The following CRISPLD2 variants were observed in gnomAD, a reference collection of about 807,000 sequenced individuals.
CRISPLD2 encodes cysteine rich secretory protein LCCL domain containing 2, also known as cysteine-rich secretory protein LCCL domain-containing 2.
CRISPLD2 carries 47 observed loss-of-function variants against 71.1 expected under a neutral mutation model. That is an observed-to-expected ratio of 0.66 (90% CI 0.52 to 0.84). The LOEUF (loss-of-function observed/expected upper bound fraction) is 0.84, where lower values mean the gene tolerates loss of function less well. Ranked by LOEUF, CRISPLD2 falls within the 40% of genes least tolerant of loss-of-function variation. The pLI, the probability that CRISPLD2 is intolerant of heterozygous loss-of-function variation, is 0.00. For missense variants in CRISPLD2, 830 were observed against 651.1 expected (o/e 1.27, Z -2.99); for synonymous variants, 317 against 250.1 (o/e 1.27, Z -2.52).
In CRISPLD2 at chr16:84,878,405, G is replaced by C. The variant is rs935692782; in HGVS notation, c.1229+895G>C. Reference sequence around the variant, plus strand: ...AGCTTCTTTCTGTTGCTCTGATTTTGCTTTTTCAGCAAAATTATGGCGCCG... The same window carrying C: ...AGCTTCTTTCTGTTGCTCTGATTTTCCTTTTTCAGCAAAATTATGGCGCCG... On this transcript the variant is annotated intron_variant, in intron 12 of 14. Coordinates refer to ENST00000262424, the MANE Select transcript of CRISPLD2 (RefSeq NM_031476.4). 3.6e-5 allele frequency among the ~76,000 whole-genome samples: 5 copies of C among 139,916 alleles called. No individual in the cohort carries two copies. The East Asian group carries it at 9.6e-4, about 27-fold the overall frequency. 91.8% of individuals were successfully genotyped at this position (139,916 alleles called of 152,430 possible). A position where few individuals can be genotyped will look rare whatever the true frequency, so the allele number is the denominator to read the frequency against.
intron 14 of CRISPLD2, among the ~76,000 whole-genome samples, chr16:84,897,448 G>A (rs901991176): frequency 1.3e-5 from 2 of 152,084 alleles, no homozygotes; most frequent in African/African-American, 2.4e-5. Flanking sequence ...GAGCAAGACC[G>A]TGTCTCAAAA....
At chr16:84,905,954 C>T (rs923267279) in intron 14 of CRISPLD2, among the ~76,000 whole-genome samples, 2 of 152,012 alleles carry the variant, frequency 1.3e-5, no homozygotes, top group Non-Finnish European at 2.9e-5. Flanking sequence ...AGGTGGTCCA[C>T]CCGCCTCACT....
intron 13 of CRISPLD2, among the ~76,000 whole-genome samples, chr16:84,886,806 T>C (rs1485391091): frequency 6.6e-6 from 1 of 152,152 alleles, no homozygotes; most frequent in East Asian, 1.9e-4. Flanking sequence ...CAAAGTGAGA[T>C]CCTGTCCCCC....
intron 1 of CRISPLD2, among the ~76,000 whole-genome samples, chr16:84,830,966 G>A (rs190735195): frequency 6.0e-4 from 92 of 152,316 alleles, no homozygotes; most frequent in African/African-American, 1.9e-3. Context: ...GGCAAACACC[G>A]CAAGGCAGGC....
At chr16:84,842,448 C>T (rs2143187635) in intron 2 of CRISPLD2, among the ~76,000 whole-genome samples, 1 of 149,408 alleles carries the variant, frequency 6.7e-6, no homozygotes, top group Admixed American at 6.7e-5. Flanking sequence ...TATCTCGGCT[C>T]ACTGCAACCT....
At chr16:84,851,871 T>TA (rs1196057523) in intron 5 of CRISPLD2, among the ~76,000 whole-genome samples, 1 of 152,224 alleles carries the variant, frequency 6.6e-6, no homozygotes, top group East Asian at 1.9e-4. Flanking sequence ...CTCCATATGG[T>TA]AAAATATACT....
At chr16:84,901,832 C>T (rs1418693641) in intron 14 of CRISPLD2, among the ~76,000 whole-genome samples, 3 of 131,144 alleles carry the variant, frequency 2.3e-5, no homozygotes, top group East Asian at 2.2e-4. Context: ...CTCACTGTAT[C>T]GCCCAGGGTG....
chr16:84,884,168 C>G (rs960411823), intron 13 of CRISPLD2, among the ~76,000 whole-genome samples: 4 of 152,184 alleles, frequency 2.6e-5, no homozygotes, highest in East Asian at 1.9e-4. Flanking sequence ...CACAGTAACC[C>G]TCTTCTTCCT....
At chr16:84,858,610 A>T in intron 6 of CRISPLD2, among the ~76,000 whole-genome samples, 1 of 152,226 alleles carries the variant, frequency 6.6e-6, no homozygotes, top group East Asian at 1.9e-4. Flanking sequence ...AATCAGCAAA[A>T]TGTCTTCAGT....
intron 14 of CRISPLD2, among the ~76,000 whole-genome samples, chr16:84,905,578 G>A (rs2071794285): frequency 6.6e-6 from 1 of 151,860 alleles, no homozygotes; most frequent in Non-Finnish European, 1.5e-5. Flanking sequence ...GTTTGTAGAG[G>A]CAGGGTTTCA....
At chr16:84,897,159 C>T (rs986260714) in intron 14 of CRISPLD2, among the ~76,000 whole-genome samples, 6 of 152,140 alleles carry the variant, frequency 3.9e-5, no homozygotes, top group African/African-American at 1.4e-4. Flanking sequence ...AAGGGCCTTT[C>T]TAGGCCGGGT....
At chr16:84,844,362 C>G (rs1240193931) in intron 2 of CRISPLD2, among the ~76,000 whole-genome samples, 1 of 152,228 alleles carries the variant, frequency 6.6e-6, no homozygotes, top group Non-Finnish European at 1.5e-5. Flanking sequence ...AGTATACGGA[C>G]TATAAAATTG....
intron 1 of CRISPLD2, among the ~76,000 whole-genome samples, chr16:84,825,329 T>A (rs12934709): frequency 2.4e-4 from 36 of 151,974 alleles, no homozygotes; most frequent in African/African-American, 8.2e-4. Context: ...TTGGGAGGTC[T>A]AGGCGGGAGG....
chr16:84,828,044 A>C (rs896341467), intron 1 of CRISPLD2, among the ~76,000 whole-genome samples: 1 of 152,078 alleles, frequency 6.6e-6, no homozygotes, highest in Admixed American at 6.5e-5. Context: ...CCCAGTCCCG[A>C]GGGCAGATTC....
chr16:84,850,265 T>G (rs889319494), intron 4 of CRISPLD2, among the ~76,000 whole-genome samples: 1 of 151,884 alleles, frequency 6.6e-6, no homozygotes, highest in Non-Finnish European at 1.5e-5. Context: ...TAATTTTTGT[T>G]TTTTTAGTAG....
chr16:84,886,047 T>C (rs2071610358), intron 13 of CRISPLD2, among the ~76,000 whole-genome samples: 1 of 152,096 alleles, frequency 6.6e-6, no homozygotes, highest in African/African-American at 2.4e-5. Context: ...TCTTGATCCA[T>C]GCCCAGCTAA....
intron 14 of CRISPLD2, among the ~76,000 whole-genome samples, chr16:84,899,116 C>A (rs1046387201): frequency 6.6e-6 from 1 of 152,160 alleles, no homozygotes; most frequent in Non-Finnish European, 1.5e-5. Context: ...ATCTCAAACT[C>A]CTGGGTTCAA....
intron 11 of CRISPLD2, among the ~76,000 whole-genome samples, chr16:84,876,267 C>G (rs1011082337): frequency 6.6e-6 from 1 of 152,208 alleles, no homozygotes; most frequent in Non-Finnish European, 1.5e-5. Context: ...TTTGAGACGT[C>G]CAGGCAGATG....
chr16:84,889,947 A>T (rs560006360), intron 14 of CRISPLD2, among the ~76,000 whole-genome samples: 2 of 152,312 alleles, frequency 1.3e-5, no homozygotes, highest in Admixed American at 1.3e-4. Context: ...GACCCCGAGT[A>T]AGCCACCTGA....
Sources: allele counts gnomAD v4.1 joint callset (sites outside exome capture counted in the v4.1 genomes callset), GRCh38; gene constraint gnomAD v4.1.1; transcripts MANE v1.5; gene names NCBI Gene and HGNC (gene_info 2026-07-23, HGNC 2026-07-21).